The following NIPSNAP3B variants were observed in gnomAD, a reference collection of about 807,000 sequenced individuals.
NIPSNAP3B encodes nipsnap homolog 3B, also known as protein NipSnap homolog 3B.
Under a neutral mutation model 31.5 loss-of-function variants are expected in NIPSNAP3B, and 30 were observed. That is an observed-to-expected ratio of 0.95 (90% CI 0.71 to 1.29). The LOEUF (loss-of-function observed/expected upper bound fraction) is 1.29. NIPSNAP3B is among the 50% of genes most tolerant of loss of function. The pLI is 0.00. For missense variants in NIPSNAP3B, 269 were observed against 300.7 expected (o/e 0.89, Z 0.78); for synonymous variants, 106 against 107.9 (o/e 0.98, Z 0.11).
rs577496451 is a variant in NIPSNAP3B at position 104,775,981 on chromosome 9, C to G, written c.*2908C>G. On this transcript the variant is annotated 3_prime_UTR_variant, in exon 6 of 6. Transcript: ENST00000374762. ...TTAACTGGTGTGCTGCCCTTCCCCT[C>G]TGCTCTCAACCCTATTTTCAACATA... 1.2e-4 allele frequency among the ~76,000 whole-genome samples: 18 copies of G among 152,310 alleles called. 1 individual carries two copies. In the South Asian group the frequency reaches 3.7e-3, roughly 32 times the overall value.
the NIPSNAP3B span, among the ~76,000 whole-genome samples, chr9:104,785,051 T>C: frequency 6.6e-6 from 1 of 152,312 alleles, no homozygotes; most frequent in African/African-American, 2.4e-5. Context: ...GAAGAAAATA[T>C]TTACTGAGTA....
At position 104,772,893 on chromosome 9, in the gene NIPSNAP3B, A is replaced by G. The variant is rs1828255594; in HGVS notation, c.652A>G (p.Arg218Gly). Residue 218 changes from arginine to glycine, a missense_variant, in exon 5 of 6, where the codon AGA becomes GGA. Transcript: ENST00000374762. ...AGRHKSHEDP[R>G]VVAAVRESVN... ...GAGACATAAGTCCCATGAGGATCCC[A>G]GAGTTGTGGCGGCTGGTAAGCTGTT... 1.2e-6 allele frequency: 2 copies of G among 1,613,750 alleles called. No homozygotes were observed. Among genetic ancestry groups the G allele is most frequent in the Middle Eastern group, 1.7e-4 (1 of 6,060 alleles).
chr9:104,778,881 A>T (rs1272236934), downstream of NIPSNAP3B, among the ~76,000 whole-genome samples: 1 of 152,108 alleles, frequency 6.6e-6, no homozygotes, highest in African/African-American at 2.4e-5. Context: ...TCCTTGTTGC[A>T]CTAACAATAA....
At chr9:104,787,036 TGTTTTTAAATGCA>T in the NIPSNAP3B span, 1 of 1,473,298 alleles carries the variant, frequency 6.8e-7, no homozygotes, top group Non-Finnish European at 9.4e-7. Context: ...AAGATAAATT[TGTTTTTAAATGCA>T]GAAGCATCTT....
At position 104,775,293 on chromosome 9, in the gene NIPSNAP3B, A is replaced by C. The variant is rs74997200; in HGVS notation, c.*2220A>C. Among the ~76,000 whole-genome samples the C allele has an allele frequency of 7.9e-3, 1,196 of 151,196 alleles. 15 individuals are homozygous for C. Among genetic ancestry groups the C allele is most frequent in the African/African-American group, 0.028 (1,151 of 41,120 alleles). ...TGCCTCCATTTTCTTCCCTCACATT[A>C]TCTCTTAAACATTCTCTGATCACGC... On this transcript the variant is annotated 3_prime_UTR_variant, in exon 6 of 6. Coordinates refer to ENST00000374762, the MANE Select transcript of NIPSNAP3B (RefSeq NM_018376.4).
At chr9:104,764,912 G>A (rs1171875775) in intron 1 of NIPSNAP3B, among the ~76,000 whole-genome samples, 2 of 152,030 alleles carry the variant, frequency 1.3e-5, no homozygotes, top group East Asian at 3.9e-4. Flanking sequence ...CAGCTGTTGC[G>A]TTTTTTTAGG....
chr9:104,786,271 C>A, the NIPSNAP3B span: 18 of 1,565,620 alleles, frequency 1.1e-5, no homozygotes, highest in Admixed American at 1.7e-5. Context: ...TCACTAGGCA[C>A]TATCCCAAAG....
rs187312368 is a variant in NIPSNAP3B at position 104,774,984 on chromosome 9, G to A, written c.*1911G>A. On this transcript the variant is annotated 3_prime_UTR_variant, in exon 6 of 6. Coordinates refer to ENST00000374762, the MANE Select transcript of NIPSNAP3B (RefSeq NM_018376.4). ...TCATAAGTTCCCACCCCGTCTGCCC[G>A]CTTTCTACAGCCAACCCCACATGCC... Among the ~76,000 whole-genome samples the A allele has an allele frequency of 2.4e-4, 37 of 151,882 alleles. 1 individual carries two copies. The highest frequency in any genetic ancestry group is 8.3e-4 in the South Asian group (4 of 4,800).
downstream of NIPSNAP3B, chr9:104,781,604 T>TC (rs541897508): frequency 2.9e-4 from 45 of 152,748 alleles, no homozygotes; most frequent in African/African-American, 9.1e-4. Flanking sequence ...GCATTTGCTT[T>TC]CAGTACAGAT....
rs1404472742 is a variant in NIPSNAP3B, at chr9:104,776,056, C to T, written c.*2983C>T. 1.3e-5 allele frequency among the ~76,000 whole-genome samples: 2 copies of T among 152,144 alleles called. No individual in the cohort carries two copies. Among genetic ancestry groups the T allele is most frequent in the Non-Finnish European group, 2.9e-5 (2 of 68,032 alleles). On this transcript the variant is annotated 3_prime_UTR_variant, in exon 6 of 6. Coordinates refer to ENST00000374762, the MANE Select transcript of NIPSNAP3B (RefSeq NM_018376.4). ...AACCAGATCATATCACTCCTCTGCT[C>T]AACACCCCCTCCCAATACCTTCATG...
At chr9:104,768,753 C>A in intron 2 of NIPSNAP3B, 110 bp from the exon 3 acceptor site, 1 of 828,002 alleles carries the variant, frequency 1.2e-6, no homozygotes, top group Non-Finnish European at 1.8e-6. Flanking sequence ...GACATAATAA[C>A]ATGGGGTTCC....
the NIPSNAP3B span, chr9:104,786,203 T>A: frequency 9.4e-7 from 1 of 1,061,980 alleles, no homozygotes; most frequent in Non-Finnish European, 1.4e-6. Context: ...CAGTTTTATT[T>A]CCCTTTATGT....
At position 104,774,268 on chromosome 9, in the gene NIPSNAP3B, T is replaced by A. The variant is rs1368045888; in HGVS notation, c.*1195T>A. ...GGAAAACAAACTGTACAGTTTCCTC[T>A]CATTTATCAGGCTCTAAGCGATCTG... On this transcript the variant is annotated 3_prime_UTR_variant, in exon 6 of 6. Coordinates refer to ENST00000374762, the MANE Select transcript of NIPSNAP3B (RefSeq NM_018376.4). 6.6e-6 allele frequency among the ~76,000 whole-genome samples: 1 copy of A among 152,242 alleles called. No individual in the cohort carries two copies. The highest frequency in any genetic ancestry group is 1.5e-5 in the Non-Finnish European group (1 of 68,044).
chr9:104,764,308 C>T lies in NIPSNAP3B; in HGVS notation c.60+8C>T, dbSNP rs1386455720. ...CGGACGCTCGCGCCTCAGGTACTGG[C>T]CGCGGGGGCGCGCCCGAGCCCTGGC... On this transcript the variant is annotated splice_region_variant and intron_variant, in intron 1 of 5. Transcript: ENST00000374762. 1.9e-6 allele frequency: 3 copies of T among 1,574,978 alleles called. No individual in the cohort carries two copies. The highest frequency in any genetic ancestry group is 1.2e-5 in the South Asian group (1 of 85,862).
At chr9:104,788,262 C>T in the NIPSNAP3B span, among the ~76,000 whole-genome samples, 1 of 152,080 alleles carries the variant, frequency 6.6e-6, no homozygotes, top group Non-Finnish European at 1.5e-5. Flanking sequence ...TGCCCCACCA[C>T]CGTTACAGGT....
At chr9:104,771,843 C>A (rs1023288895) in intron 4 of NIPSNAP3B, among the ~76,000 whole-genome samples, 1 of 152,178 alleles carries the variant, frequency 6.6e-6, no homozygotes, top group Non-Finnish European at 1.5e-5. Flanking sequence ...ACACTCCCAC[C>A]AACAGGGTGT....
chr9:104,774,698 A>G lies in NIPSNAP3B; in HGVS notation c.*1625A>G, dbSNP rs1828296019. ...TAGAATTATGTGGTTTAAATCATAT[A>G]CCTTATTCTTCATACTTAGCTCCAA... On this transcript the variant is annotated 3_prime_UTR_variant, in exon 6 of 6. Coordinates refer to ENST00000374762, the MANE Select transcript of NIPSNAP3B (RefSeq NM_018376.4). Among the ~76,000 whole-genome samples the G allele has an allele frequency of 1.3e-5, 2 of 152,274 alleles. No homozygotes were observed. The highest frequency in any genetic ancestry group is 2.1e-4 in the South Asian group (1 of 4,822).
At position 104,772,873 on chromosome 9, in the gene NIPSNAP3B, A is replaced by C. The variant is rs1323960732; in HGVS notation, c.632A>C (p.His211Pro). The C allele has an allele frequency of 1.2e-6, 2 of 1,613,692 alleles. No individual in the cohort carries two copies. Among genetic ancestry groups the C allele is most frequent in the Non-Finnish European group, 1.7e-6 (2 of 1,179,792 alleles). Reference protein sequence around the residue: ...ESADSRAAGRHKSHEDPRVVA... With the variant: ...ESADSRAAGRPKSHEDPRVVA... ...GCAGATAGTCGTGCAGCTGGGAGAC[A>C]TAAGTCCCATGAGGATCCCAGAGTT... Residue 211 changes from histidine (H) to proline (P), a missense_variant, in exon 5 of 6, where the codon CAT becomes CCT. Physicochemically the swap from His to Pro is moderately conservative, Grantham distance 77. Coordinates refer to ENST00000374762, the MANE Select transcript of NIPSNAP3B (RefSeq NM_018376.4).
rs1007251818 is a variant in NIPSNAP3B, at chr9:104,764,155, G to GA, written c.-85dup. The GA allele has an allele frequency of 1.5e-6, 2 of 1,334,712 alleles. No homozygotes were observed. The highest frequency in any genetic ancestry group is 3.0e-5 in the African/African-American group (2 of 67,412). 82.7% of individuals were successfully genotyped at this position (1,334,712 alleles called of 1,614,324 possible). A position where few individuals can be genotyped will look rare whatever the true frequency, so the allele number is the denominator to read the frequency against. ...CTGCCTGAGTTCGCCAGTGGTCCAG[G>GA]AGCCGCTTTTTTCCACTCGGGAAGA... is the stretch of plus-strand genomic sequence containing the variant. On this transcript the variant is annotated 5_prime_UTR_variant, in exon 1 of 6. Transcript: ENST00000374762.
Sources: gnomAD v4.1 joint callset for allele counts (sites outside exome capture counted in the v4.1 genomes callset) on GRCh38, gnomAD v4.1.1 for gene constraint, MANE v1.5 for transcripts, NCBI Gene and HGNC (gene_info 2026-07-23, HGNC 2026-07-21) for gene names.